Variants in ANO6 observed in about 807,000 individuals in gnomAD.
ANO6 encodes the protein anoctamin-6.
Under a neutral mutation model 117.5 loss-of-function variants are expected in ANO6, and 106 were observed. The ratio of observed to expected loss-of-function variants is 0.90; its 90% CI spans 0.77 to 1.06. ANO6 has a LOEUF of 1.06. ANO6 is among the 50% of genes least tolerant of loss of function. The probability of loss-of-function intolerance (pLI) is 0.00; values close to 1 mark genes in which losing one functional copy is unlikely to be tolerated. For missense variants in ANO6, 955 were observed against 1,121.1 expected (o/e 0.85, Z 2.12); for synonymous variants, 367 against 385.1 (o/e 0.95, Z 0.55).
chr12:45,323,935 A>ATT (rs761870704), intron 2 of ANO6, among the ~76,000 whole-genome samples: 1,168 of 108,282 alleles, frequency 0.011, 41 homozygotes, highest in Non-Finnish European at 0.016. Flanking sequence ...TTGTTGTTGT[A>ATT]TTTTTTTTTT....
chr12:45,344,913 A>G (rs1156847239), intron 3 of ANO6, among the ~76,000 whole-genome samples: 1 of 152,156 alleles, frequency 6.6e-6, no homozygotes, highest in East Asian at 1.9e-4. Context: ...AGAACTTCTC[A>G]GGATGAATTG....
At chr12:45,433,606 G>T (rs766531231), downstream of ANO6, among the ~76,000 whole-genome samples, 44 of 152,202 alleles carry the variant, frequency 2.9e-4, 1 homozygote, top group Non-Finnish European at 1.9e-4. Flanking sequence ...GAATGCTGTA[G>T]GCAAGAATGT....
At chr12:45,261,651 T>A (rs1938037925) in intron 1 of ANO6, among the ~76,000 whole-genome samples, 1 of 152,206 alleles carries the variant, frequency 6.6e-6, no homozygotes, top group Admixed American at 6.5e-5. Flanking sequence ...GTTTAGTGTT[T>A]ATTGAGGCCA....
chr12:45,397,142 T>C (rs189944661), intron 12 of ANO6, among the ~76,000 whole-genome samples: 1 of 151,936 alleles, frequency 6.6e-6, no homozygotes, highest in Admixed American at 6.6e-5. Context: ...TCAAACAAAT[T>C]TACAAGAAAA....
chr12:45,277,268 T>G (rs1346811182), intron 1 of ANO6, among the ~76,000 whole-genome samples: 1 of 152,228 alleles, frequency 6.6e-6, no homozygotes, highest in Non-Finnish European at 1.5e-5. Flanking sequence ...TATAGTTTGA[T>G]TACTTTTCCT....
chr12:45,247,790 G>T (rs962278572), intron 1 of ANO6, among the ~76,000 whole-genome samples: 1 of 152,116 alleles, frequency 6.6e-6, no homozygotes, highest in Admixed American at 6.6e-5. Flanking sequence ...CCTTGTGAGG[G>T]CCCCACCCTC....
chr12:45,391,048 GA>G (rs1421357529), intron 12 of ANO6, among the ~76,000 whole-genome samples: 1 of 152,078 alleles, frequency 6.6e-6, no homozygotes, highest in African/African-American at 2.4e-5. Context: ...TTGAACCCAG[GA>G]GACGGAGGTT....
intron 10 of ANO6, among the ~76,000 whole-genome samples, chr12:45,378,952 A>G (rs781627999): frequency 1.3e-5 from 2 of 152,180 alleles, no homozygotes; most frequent in Non-Finnish European, 2.9e-5. Context: ...CTTTACCACT[A>G]TATATTATTT....
At chr12:45,246,030 G>A (rs1211724909) in intron 1 of ANO6, among the ~76,000 whole-genome samples, 1 of 151,742 alleles carries the variant, frequency 6.6e-6, no homozygotes, top group Non-Finnish European at 1.5e-5. Flanking sequence ...CATTACTTAT[G>A]TTACCGAATT....
intron 12 of ANO6, among the ~76,000 whole-genome samples, chr12:45,399,484 G>A (rs1346158942): frequency 4.6e-5 from 7 of 152,050 alleles, no homozygotes; most frequent in African/African-American, 7.2e-5. Context: ...GTGAGCCACC[G>A]CGCCTGGCCG....
At position 45,245,420 on chromosome 12, in the gene ANO6, AT is replaced by A. The variant is rs397965166; in HGVS notation, c.70+29046del. ...TTCTGTCTTAAAAAACAAAAAACTG[AT>A]TTTTTTTTTTTTTTTTGTGGGGAGA... is the stretch of plus-strand genomic sequence containing the variant. On this transcript the variant is annotated intron_variant, in intron 1 of 19. Coordinates refer to ENST00000320560, the MANE Select transcript of ANO6 (RefSeq NM_001025356.3). Among the ~76,000 whole-genome samples the A allele has an allele frequency of 6.0e-3, 797 of 132,266 alleles. 1 individual carries two copies. The highest frequency in any genetic ancestry group is 0.012 in the African/African-American group (427 of 36,014). 86.8% of individuals were successfully genotyped at this position (132,266 alleles called of 152,430 possible). A position where few individuals can be genotyped will look rare whatever the true frequency, so the allele number is the denominator to read the frequency against.
chr12:45,266,634 A>C (rs1427087850), intron 1 of ANO6, among the ~76,000 whole-genome samples: 1 of 152,180 alleles, frequency 6.6e-6, no homozygotes, highest in Non-Finnish European at 1.5e-5. Flanking sequence ...CATCTCTACA[A>C]AAACGTTAAA....
intron 11 of ANO6, among the ~76,000 whole-genome samples, chr12:45,389,517 T>G (rs948385208): frequency 4.6e-5 from 7 of 152,234 alleles, no homozygotes; most frequent in African/African-American, 1.4e-4. Flanking sequence ...TGCCAGCTTA[T>G]AAGTTAAATT....
At chr12:45,300,190 C>A (rs571599506) in intron 1 of ANO6, among the ~76,000 whole-genome samples, 8 of 152,168 alleles carry the variant, frequency 5.3e-5, no homozygotes, top group South Asian at 2.1e-4. Context: ...TTATTTATTT[C>A]TTTCTTTTTG....
At chr12:45,366,661 C>G (rs897267277) in intron 8 of ANO6, among the ~76,000 whole-genome samples, 1 of 152,134 alleles carries the variant, frequency 6.6e-6, no homozygotes, top group African/African-American at 2.4e-5. Context: ...TGAGCCTTTG[C>G]TTTTCCACTG....
At position 45,216,232 on chromosome 12, in the gene ANO6, C is replaced by T; in HGVS notation, c.-90C>T. 2.1e-6 allele frequency: 3 copies of T among 1,457,856 alleles called. No homozygotes were observed. Among genetic ancestry groups the T allele is most frequent in the South Asian group, 1.2e-5 (1 of 81,836 alleles). 90.3% of individuals were successfully genotyped at this position (1,457,856 alleles called of 1,614,324 possible). On this transcript the variant is annotated 5_prime_UTR_variant, in exon 1 of 20. Transcript: ENST00000320560. ...CCCAAGCGACACACGCCCCGCGGTCCCCGATCCGGCCCCTGGGAGAGCCGC... is the reference window on the plus strand; with the variant it reads ...CCCAAGCGACACACGCCCCGCGGTCTCCGATCCGGCCCCTGGGAGAGCCGC...
Position 45,288,591 on chromosome 12 carries a change from G to C in ANO6, c.71-13423G>C, listed in dbSNP as rs76922341. Among the ~76,000 whole-genome samples the C allele has an allele frequency of 5.7e-3, 860 of 152,194 alleles. 6 individuals carry two copies. Among genetic ancestry groups the C allele is most frequent in the African/African-American group, 0.02 (819 of 41,532 alleles). On this transcript the variant is annotated intron_variant, in intron 1 of 19. Coordinates refer to ENST00000320560, the MANE Select transcript of ANO6 (RefSeq NM_001025356.3). ...TTGAATTTTCTTCCTTTTTAAAGCT[G>C]AATAATACTCCATTATGTTTTATTA...
At chr12:45,240,806 A>G (rs527790032) in intron 1 of ANO6, among the ~76,000 whole-genome samples, 140 of 152,238 alleles carry the variant, frequency 9.2e-4, no homozygotes, top group Non-Finnish European at 1.7e-3. Flanking sequence ...TCCTTCACTT[A>G]TGAAGCTTAG....
intron 1 of ANO6, among the ~76,000 whole-genome samples, chr12:45,222,970 A>G (rs865949554): frequency 5.3e-5 from 8 of 152,270 alleles, no homozygotes; most frequent in African/African-American, 1.9e-4. Context: ...ATAAAGGTCC[A>G]AGAGGACTGG....
Sources: allele counts gnomAD v4.1 joint callset (sites outside exome capture counted in the v4.1 genomes callset), GRCh38; gene constraint gnomAD v4.1.1; transcripts MANE v1.5; gene names NCBI Gene and HGNC (gene_info 2026-07-23, HGNC 2026-07-21).